Variants in DENND1A observed in about 807,000 individuals in gnomAD.
DENND1A encodes DENN domain containing 1A.
Under a neutral mutation model 113.7 loss-of-function variants are expected in DENND1A, and 51 were observed. The observed-to-expected ratio is 0.45, with a 90% CI of 0.36 to 0.57. The LOEUF is 0.57. DENND1A is among the 20% of genes least tolerant of loss of function. DENND1A has a pLI of 0.00. For synonymous variants in DENND1A, 565 were observed against 570.8 expected (o/e 0.99, Z 0.14); for missense variants, 1,258 against 1,395.9 (o/e 0.90, Z 1.57).
intron 17 of DENND1A, among the ~76,000 whole-genome samples, chr9:123,451,078 G>A (rs2047687315): frequency 6.6e-6 from 1 of 152,016 alleles, no homozygotes; most frequent in Non-Finnish European, 1.5e-5. Flanking sequence ...TACGGCAGCC[G>A]TATTTCTGGC....
chr9:123,535,997 G>A (rs1170781681), intron 13 of DENND1A, among the ~76,000 whole-genome samples: 2 of 152,168 alleles, frequency 1.3e-5, no homozygotes, highest in African/African-American at 4.8e-5. Flanking sequence ...TAGTATAATT[G>A]TTCAACCTCT....
chr9:123,910,539 T>C (rs1356943403), intron 1 of DENND1A, among the ~76,000 whole-genome samples: 1 of 152,194 alleles, frequency 6.6e-6, no homozygotes, highest in Non-Finnish European at 1.5e-5. Flanking sequence ...AACAAAAGTA[T>C]ATTCATGGTC....
intron 22 of DENND1A, among the ~76,000 whole-genome samples, chr9:123,385,699 G>A (rs1410504898): frequency 1.4e-4 from 22 of 152,120 alleles, no homozygotes; most frequent in Admixed American, 1.3e-3. Context: ...CCAGGAAGTC[G>A]GACTTACACC....
At chr9:123,579,584 T>G (rs911685398) in intron 12 of DENND1A, among the ~76,000 whole-genome samples, 4 of 152,040 alleles carry the variant, frequency 2.6e-5, no homozygotes, top group African/African-American at 4.8e-5. Flanking sequence ...AATAAAAGCT[T>G]AGATTAGGTG....
chr9:123,877,450 T>C (rs1037106780), intron 2 of DENND1A, among the ~76,000 whole-genome samples: 2 of 151,738 alleles, frequency 1.3e-5, no homozygotes, highest in Admixed American at 6.6e-5. Context: ...GATCATGCCA[T>C]TGCACTCCAG....
At chr9:123,406,851 C>T (rs925384504) in intron 20 of DENND1A, among the ~76,000 whole-genome samples, 2 of 152,134 alleles carry the variant, frequency 1.3e-5, no homozygotes, top group African/African-American at 4.8e-5. Flanking sequence ...GCAGAGCTTT[C>T]AGGAAAGGTC....
chr9:123,506,580 CAAAA>C (rs10542393), intron 13 of DENND1A, among the ~76,000 whole-genome samples: 4,205 of 73,512 alleles, frequency 0.057, 73 homozygotes, highest in African/African-American at 0.22. Flanking sequence ...GACTCTGTCT[CAAAA>C]AAAAAAAAAA....
At chr9:123,678,310 G>C (rs1287829930) in intron 5 of DENND1A, among the ~76,000 whole-genome samples, 1 of 152,180 alleles carries the variant, frequency 6.6e-6, no homozygotes, top group African/African-American at 2.4e-5. Context: ...CTGACGGCAA[G>C]GGTGCACGCA....
At chr9:123,856,542 C>G (rs1308589848) in intron 2 of DENND1A, among the ~76,000 whole-genome samples, 1 of 152,064 alleles carries the variant, frequency 6.6e-6, no homozygotes, top group Non-Finnish European at 1.5e-5. Flanking sequence ...TGTCAGAGCA[C>G]CTGAGCAGGG....
chr9:123,530,224 T>A (rs1226620836), intron 13 of DENND1A, among the ~76,000 whole-genome samples: 1 of 152,162 alleles, frequency 6.6e-6, no homozygotes, highest in Non-Finnish European at 1.5e-5. Context: ...GCCCTAGGTA[T>A]CAAGTATGAT....
chr9:123,456,804 C>T (rs746502668), intron 15 of DENND1A: 1 of 152,136 alleles, frequency 6.6e-6, no homozygotes, highest in South Asian at 2.1e-4. Context: ...CAGAACAAGA[C>T]TCTGTCTCAA....
At chr9:123,533,414 A>T (rs987185972) in intron 13 of DENND1A, among the ~76,000 whole-genome samples, 6 of 152,200 alleles carry the variant, frequency 3.9e-5, no homozygotes, top group Admixed American at 3.3e-4. Flanking sequence ...CTATTCCAAT[A>T]TCTTTGGGCA....
chr9:123,874,583 C>T (rs999812900), intron 2 of DENND1A, among the ~76,000 whole-genome samples: 5 of 152,172 alleles, frequency 3.3e-5, no homozygotes, highest in Admixed American at 6.5e-5. Flanking sequence ...ACTATGATCA[C>T]GCCACTGCAC....
intron 2 of DENND1A, among the ~76,000 whole-genome samples, chr9:123,864,277 G>C (rs1185524336): frequency 1.3e-5 from 2 of 152,150 alleles, no homozygotes. Context: ...CCCAAGGTCA[G>C]ATCACTATTA....
At chr9:123,597,910 A>C (rs1331688071) in intron 11 of DENND1A, among the ~76,000 whole-genome samples, 1 of 152,196 alleles carries the variant, frequency 6.6e-6, no homozygotes, top group Admixed American at 6.5e-5. Flanking sequence ...CTTGCAGACA[A>C]CGTATCAGCC....
chr9:123,725,571 G>T (rs377245266), intron 5 of DENND1A, among the ~76,000 whole-genome samples: 23 of 152,238 alleles, frequency 1.5e-4, no homozygotes, highest in African/African-American at 5.3e-4. Context: ...TTGCAAGGCC[G>T]CAGTTAACCA....
At chr9:123,763,102 G>A (rs1355796882) in intron 4 of DENND1A, among the ~76,000 whole-genome samples, 2 of 151,632 alleles carry the variant, frequency 1.3e-5, no homozygotes, top group African/African-American at 4.8e-5. Flanking sequence ...TTGGCGGTGG[G>A]GGGAGGCAAT....
chr9:123,549,923 C>A (rs115917398), intron 13 of DENND1A, among the ~76,000 whole-genome samples: 272 of 152,290 alleles, frequency 1.8e-3, no homozygotes, highest in African/African-American at 6.3e-3. Flanking sequence ...TTCCACTACA[C>A]CAAAAACAAA....
At chr9:123,471,055 G>T (rs1036591314) in intron 13 of DENND1A, among the ~76,000 whole-genome samples, 1 of 152,140 alleles carries the variant, frequency 6.6e-6, no homozygotes, top group Non-Finnish European at 1.5e-5. Flanking sequence ...TCCGTAAAAT[G>T]GGAAGCTTGG....
Sources: allele counts gnomAD v4.1 joint callset (sites outside exome capture counted in the v4.1 genomes callset), GRCh38; gene constraint gnomAD v4.1.1; transcripts MANE v1.5; gene names NCBI Gene and HGNC (gene_info 2026-07-23, HGNC 2026-07-21).